Variants in ZNF862 observed in about 807,000 individuals in gnomAD.
The protein encoded by ZNF862 is zinc finger protein 862.
In ZNF862, 64 loss-of-function variants were observed where a neutral mutation model predicts 91.1. That is an observed-to-expected ratio of 0.70 (90% confidence interval 0.57 to 0.87). The LOEUF (loss-of-function observed/expected upper bound fraction) is 0.87, where lower values mean the gene tolerates loss of function less well. ZNF862 is among the 40% of genes least tolerant of loss of function. The pLI is 0.00. For missense variants in ZNF862, 1,459 were observed against 1,528.0 expected (o/e 0.95, Z 0.75); for synonymous variants, 631 against 618.1 (o/e 1.02, Z -0.31).
chr7:149,840,704 C>G (rs190744460), intron 1 of ZNF862, among the ~76,000 whole-genome samples: 1 of 151,964 alleles, frequency 6.6e-6, no homozygotes, highest in East Asian at 1.9e-4. Flanking sequence ...AAATACTTAC[C>G]ATGTGTTACA....
chr7:149,857,527 T>C (rs1802302930), intron 5 of ZNF862, among the ~76,000 whole-genome samples: 1 of 152,230 alleles, frequency 6.6e-6, no homozygotes, highest in Non-Finnish European at 1.5e-5. Flanking sequence ...TTCAAGTTTT[T>C]CCAAATCTTT....
chr7:149,859,956 C>T (rs749980222), intron 6 of ZNF862: 1 of 251,040 alleles, frequency 4.0e-6, no homozygotes, highest in Admixed American at 4.9e-5. Context: ...GCTACACTTA[C>T]TTCTGTACCT....
At chr7:149,846,496 T>C (rs944442911) in intron 3 of ZNF862, among the ~76,000 whole-genome samples, 1 of 152,270 alleles carries the variant, frequency 6.6e-6, no homozygotes, top group Admixed American at 6.5e-5. Context: ...ATAATTATTA[T>C]AAGTTCCATG....
Position 149,855,554 on chromosome 7 carries a change from G to A in ZNF862, c.1118-3868G>A, listed in dbSNP as rs557365133. Among the ~76,000 whole-genome samples, 81 of 152,316 alleles carry A rather than the reference G, an allele frequency of 5.3e-4. No homozygotes were observed. Among genetic ancestry groups the A allele is most frequent in the African/African-American group, 1.9e-3 (78 of 41,564 alleles). On this transcript the variant is annotated intron_variant, in intron 5 of 7. Coordinates refer to ENST00000223210, the MANE Select transcript of ZNF862 (RefSeq NM_001099220.3). The surrounding 1 kb of genome is among the most constrained non-coding windows in gnomAD (Gnocchi z 4.1). ...CATGTAATCTGACACCAGCTACTTA[G>A]AGCTGTAGTCCTTTAAAGCTGGTTC...
chr7:149,861,628 A>G lies in ZNF862; in HGVS notation c.2468A>G (p.His823Arg). The G allele has an allele frequency of 1.2e-6, 2 of 1,604,140 alleles. No individual in the cohort carries two copies. The highest frequency in any genetic ancestry group is 1.7e-6 in the Non-Finnish European group (2 of 1,177,072). Reference sequence around the variant, plus strand: ...GCAGAGGCTGGGGGCCAGATTGGGCACCGGGCCAAAGGGATGCTGAAGCTC... The same window carrying G: ...GCAGAGGCTGGGGGCCAGATTGGGCGCCGGGCCAAAGGGATGCTGAAGCTC... ...RVAEAGGQIGHRAKGMLKLMR... is the reference protein window; with the variant it reads ...RVAEAGGQIGRRAKGMLKLMR... The change falls in exon 7 of 8, where the codon CAC (histidine) becomes CGC (arginine). Residue 823 changes from histidine to arginine, a missense_variant. Transcript: ENST00000223210. The surrounding 1 kb of genome is among the most constrained non-coding windows in gnomAD (Gnocchi z 6.7).
In ZNF862 at chr7:149,867,221, T is replaced by C. The variant is rs1802763962; in HGVS notation, c.*2937T>C. The C allele has an allele frequency of 6.6e-6, 1 of 152,268 alleles. No homozygotes were observed. The highest frequency in any genetic ancestry group is 1.5e-5 in the Non-Finnish European group (1 of 68,106). 9.4% of individuals were successfully genotyped at this position (152,268 alleles called of 1,614,324 possible). On this transcript the variant is annotated 3_prime_UTR_variant, in exon 8 of 8. Transcript: ENST00000223210. ...GAGCCCAGCCCCCTGTCCTGGAAGA[T>C]ACCTTAGAGTATGTGACCGCGCTCC...
intron 1 of ZNF862, among the ~76,000 whole-genome samples, 198 bp downstream of exon 1, chr7:149,838,833 C>A (rs1563113674): frequency 6.6e-6 from 1 of 152,250 alleles, no homozygotes; most frequent in African/African-American, 2.4e-5. Flanking sequence ...CGCTTCCGTT[C>A]GGTGTCCGCG....
At position 149,864,284 on chromosome 7, in the gene ZNF862, AG is replaced by A; in HGVS notation, c.*3del. The A allele has an allele frequency of 6.3e-7, 1 of 1,594,808 alleles. No individual in the cohort carries two copies. Among genetic ancestry groups the A allele is most frequent in the South Asian group, 1.1e-5 (1 of 87,668 alleles). On this transcript the variant is annotated 3_prime_UTR_variant, in exon 8 of 8. Transcript: ENST00000223210. ...GCCAGGAGGCCCCCGGGATGTCCTG[AG>A]GGACAGGGAGTCCTTGGGACTGCCT...
intron 2 of ZNF862, 73 bp downstream of exon 2, chr7:149,844,809 C>A: frequency 9.8e-7 from 1 of 1,018,814 alleles, no homozygotes; most frequent in Non-Finnish European, 1.5e-6. Flanking sequence ...GCGTCAGGAA[C>A]ACTGGAGAGA....
chr7:149,841,179 G>T lies in ZNF862; in HGVS notation c.24+2544G>T, dbSNP rs181215325. ...ATGAGTGACAAGGAATAGCGGTGCTGTTCTACAACTCCACTCCGAACAGCA... is the reference window on the plus strand; with the variant it reads ...ATGAGTGACAAGGAATAGCGGTGCTTTTCTACAACTCCACTCCGAACAGCA... On this transcript the variant is annotated intron_variant, in intron 1 of 7. Coordinates refer to ENST00000223210, the MANE Select transcript of ZNF862 (RefSeq NM_001099220.3). 2.5e-5 allele frequency: 25 copies of T among 985,460 alleles called. No homozygotes were observed. In the African/African-American group the frequency reaches 4.2e-4, roughly 16 times the overall value. 61.0% of individuals were successfully genotyped at this position (985,460 alleles called of 1,614,324 possible).
At chr7:149,857,341 A>G (rs767913875) in intron 5 of ZNF862, among the ~76,000 whole-genome samples, 1 of 151,142 alleles carries the variant, frequency 6.6e-6, no homozygotes, top group South Asian at 2.1e-4. Flanking sequence ...TTTTTATACT[A>G]CTTTCTTGGA....
At position 149,855,958 on chromosome 7, in the gene ZNF862, C is replaced by G. The variant is rs1041704043; in HGVS notation, c.1118-3464C>G. ...ATACAGGTCAGGTTAAGGGAAAGGG[C>G]GCACCCACCACTCCCCACAGTCAGA... On this transcript the variant is annotated intron_variant, in intron 5 of 7. Transcript: ENST00000223210. This position sits in a 1 kb window ranked among gnomAD's most constrained non-coding sequence, Gnocchi z 4.1. 7 of 152,434 alleles carry G rather than the reference C, an allele frequency of 4.6e-5. No homozygotes were observed. Among genetic ancestry groups the G allele is most frequent in the African/African-American group, 1.7e-4 (7 of 41,578 alleles). 9.4% of individuals were successfully genotyped at this position (152,434 alleles called of 1,614,324 possible). A position where few individuals can be genotyped will look rare whatever the true frequency, so the allele number is the denominator to read the frequency against.
chr7:149,861,488 G>T lies in ZNF862; in HGVS notation c.2328G>T (p.Gln776His), dbSNP rs1802496026. The T allele has an allele frequency of 1.2e-6, 2 of 1,612,540 alleles. No individual in the cohort carries two copies. ...AGGAAGGTGCGGCGCCTCTGGAGCAGGAGATCATCCGCCTGAAGGATCTGA... is the reference window on the plus strand; with the variant it reads ...AGGAAGGTGCGGCGCCTCTGGAGCATGAGATCATCCGCCTGAAGGATCTGA... Reference protein sequence around the residue: ...ELQEGAAPLEQEIIRLKDLNA... With the variant: ...ELQEGAAPLEHEIIRLKDLNA... Residue 776 changes from glutamine to histidine, a missense_variant, in exon 7 of 8, where the codon CAG (glutamine) becomes CAT (histidine). By Grantham distance (24) the Gln-to-His change is conservative. Coordinates refer to ENST00000223210, the MANE Select transcript of ZNF862 (RefSeq NM_001099220.3). This position sits in a 1 kb window ranked among gnomAD's most constrained non-coding sequence, Gnocchi z 6.7.
intron 1 of ZNF862, among the ~76,000 whole-genome samples, chr7:149,840,592 G>T (rs1801670368): frequency 6.6e-6 from 1 of 150,494 alleles, no homozygotes; most frequent in Non-Finnish European, 1.5e-5. Flanking sequence ...TTCCAGTCCT[G>T]CAAGCTCCAT....
chr7:149,863,404 T>G (rs1802589980), intron 7 of ZNF862, among the ~76,000 whole-genome samples: 1 of 151,610 alleles, frequency 6.6e-6, no homozygotes, highest in East Asian at 1.9e-4. Flanking sequence ...AGTTTTCACC[T>G]CTGAGTCTGT....
intron 1 of ZNF862, among the ~76,000 whole-genome samples, chr7:149,842,506 AGGC>A (rs1319308988): frequency 6.6e-6 from 1 of 152,230 alleles, no homozygotes; most frequent in African/African-American, 2.4e-5. Context: ...TGGAATCAGA[AGGC>A]TCTTGCTATA....
intron 1 of ZNF862, chr7:149,841,146 T>C: frequency 7.1e-6 from 7 of 985,404 alleles, no homozygotes; most frequent in Non-Finnish European, 8.4e-6. Flanking sequence ...GTGTAAGATG[T>C]GTTGCAAATG....
chr7:149,846,128 C>A (rs1186788302), intron 2 of ZNF862, 23 bp from the exon 3 acceptor site: 1 of 1,538,328 alleles, frequency 6.5e-7, no homozygotes, highest in South Asian at 1.1e-5. Flanking sequence ...CTCTCTCGCT[C>A]TCTTTTTTTT....
chr7:149,839,925 T>C (rs1801639624), intron 1 of ZNF862, among the ~76,000 whole-genome samples: 1 of 152,134 alleles, frequency 6.6e-6, no homozygotes, highest in Non-Finnish European at 1.5e-5. Flanking sequence ...TTGGGATTGA[T>C]ATTGGTATCA....
Sources: gnomAD v4.1 joint callset for allele counts (sites outside exome capture counted in the v4.1 genomes callset) on GRCh38, gnomAD v4.1.1 for gene constraint, Gnocchi (gnomAD v3.1) non-coding constraint, MANE v1.5 for transcripts, NCBI Gene and HGNC (gene_info 2026-07-23, HGNC 2026-07-21) for gene names.